The following GOT1L1 variants were observed in gnomAD, a reference collection of about 807,000 sequenced individuals.
GOT1L1 encodes the protein glutamic-oxaloacetic transaminase 1 like 1.
In GOT1L1, 38 loss-of-function variants were observed where a neutral mutation model predicts 43.6. The observed-to-expected ratio is 0.87, with a 90% CI of 0.67 to 1.14. The LOEUF is 1.14. Ranked by LOEUF, GOT1L1 falls within the 50% of genes most tolerant of loss-of-function variation. The pLI, the probability that GOT1L1 is intolerant of heterozygous loss-of-function variation, is 0.00. For synonymous variants in GOT1L1, 183 were observed against 187.2 expected, an observed-to-expected ratio of 0.98 and a Z score of 0.18; for missense variants, 482 against 504.0, an observed-to-expected ratio of 0.96 and a Z score of 0.42.
intron 6 of GOT1L1, 125 bp from the exon 7 acceptor site, chr8:37,935,994 G>T: frequency 1.9e-6 from 2 of 1,052,488 alleles, no homozygotes; most frequent in Non-Finnish European, 2.7e-6. Context: ...TTGCAGCCCA[G>T]CCAGGGTGAT....
Position 37,938,777 on chromosome 8 carries a change from T to C in GOT1L1, c.220A>G (p.Met74Val). ...GCCTGGATGAATGATTTCAGGCCCA[T>C]GGTGGGCAAGTACTCATAATTCAGG... ...PSLNYEYLPT[M>V]GLKSFIQASL... The change falls in exon 2 of 9, where the codon ATG (methionine) becomes GTG (valine). Residue 74 changes from methionine (M) to valine (V), a missense_variant. By Grantham distance (21) the Met-to-Val change is conservative. Coordinates refer to ENST00000307599, the MANE Select transcript of GOT1L1 (RefSeq NM_152413.3). 2 of 1,612,512 alleles carry C rather than the reference T, an allele frequency of 1.2e-6. No homozygotes were observed. Among genetic ancestry groups the C allele is most frequent in the Non-Finnish European group, 1.7e-6 (2 of 1,179,288 alleles).
At chr8:37,939,431 A>AAATATAT (rs1237987679) in intron 1 of GOT1L1, among the ~76,000 whole-genome samples, 37 of 41,660 alleles carry the variant, frequency 8.9e-4, no homozygotes, top group Non-Finnish European at 1.4e-3. Flanking sequence ...AAAAAAAAAA[A>AAATATAT]ATATATATAT....
At chr8:37,939,431 A>AAAAAAATATAT (rs1237987679) in intron 1 of GOT1L1, among the ~76,000 whole-genome samples, 1 of 41,710 alleles carries the variant, frequency 2.4e-5, no homozygotes, top group Non-Finnish European at 4.6e-5. Flanking sequence ...AAAAAAAAAA[A>AAAAAAATATAT]ATATATATAT....
rs761353019 is a variant in GOT1L1, at chr8:37,936,945, G to C, written c.612+20C>G. ...GCAGAGAGTCAAAGACAGGAAGGTC[G>C]GGTGGGAGATTGGGTTTACCTTTAT... On this transcript the variant is annotated intron_variant, in intron 5 of 8. Transcript: ENST00000307599. 1 of 1,611,892 alleles carries C rather than the reference G, an allele frequency of 6.2e-7. No individual in the cohort carries two copies. The highest frequency in any genetic ancestry group is 1.3e-5 in the African/African-American group (1 of 74,864).
Position 37,936,952 on chromosome 8 carries a change from A to G in GOT1L1, c.612+13T>C. On this transcript the variant is annotated intron_variant, in intron 5 of 8. Coordinates refer to ENST00000307599, the MANE Select transcript of GOT1L1 (RefSeq NM_152413.3). ...GTCAAAGACAGGAAGGTCGGGTGGGAGATTGGGTTTACCTTTATCATGGAC... is the reference window on the plus strand; with the variant it reads ...GTCAAAGACAGGAAGGTCGGGTGGGGGATTGGGTTTACCTTTATCATGGAC... 6.2e-7 allele frequency: 1 copy of G among 1,613,158 alleles called. No homozygotes were observed. Among genetic ancestry groups the G allele is most frequent in the Non-Finnish European group, 8.5e-7 (1 of 1,179,160 alleles).
rs777286990 is a variant in GOT1L1 at position 37,934,399 on chromosome 8, TTG to T, written c.1158_1159del (p.Asn386LysfsTer7). On this transcript the variant is annotated frameshift_variant, in exon 9 of 9. Coordinates refer to ENST00000307599, the MANE Select transcript of GOT1L1 (RefSeq NM_152413.3). LOFTEE classifies it low-confidence loss of function (END_TRUNC). ...GATGCCCTCAGTGATGTAATTTATG[TTG>T]TTGGCATTGATACAGCTGAAGTTAA... 8 of 1,613,552 alleles carry T rather than the reference TTG, an allele frequency of 5.0e-6. No homozygotes were observed. In the East Asian group the frequency reaches 1.8e-4, roughly 36 times the overall value.
In GOT1L1 at chr8:37,934,379, C is replaced by T. The variant is rs768482406; in HGVS notation, c.1180G>A (p.Gly394Ser). ...GTGAGGAGGACAGCCTCATTGATGC[C>T]CTCAGTGATGTAATTTATGTTGTTG... ...NANNINYITE[G>S]INEAVLLTES... is the part of the protein sequence containing the mutation. The change falls in exon 9 of 9, where the codon GGC becomes AGC. Residue 394 changes from glycine (G) to serine (S), a missense_variant. Coordinates refer to ENST00000307599, the MANE Select transcript of GOT1L1 (RefSeq NM_152413.3). The T allele has an allele frequency of 1.9e-6, 3 of 1,613,460 alleles. No homozygotes were observed. The South Asian group carries it at 3.3e-5, about 18-fold the overall frequency.
intron 1 of GOT1L1, 180 bp from the exon 2 acceptor site, chr8:37,939,061 T>C (rs1807843309): frequency 1.8e-6 from 1 of 567,922 alleles, no homozygotes; most frequent in Non-Finnish European, 3.2e-6. Flanking sequence ...TGTTAGTGAA[T>C]GTGTATTATT....
chr8:37,934,583 T>C, intron 8 of GOT1L1, 97 bp from the exon 9 acceptor site: 1 of 913,678 alleles, frequency 1.1e-6, no homozygotes. Flanking sequence ...ATTGATTGAT[T>C]GATTGAGATG....
intron 1 of GOT1L1, 150 bp from the exon 2 acceptor site, chr8:37,939,031 C>G (rs531870445): frequency 7.5e-6 from 5 of 667,886 alleles, no homozygotes; most frequent in South Asian, 1.7e-5. Flanking sequence ...TTTCTTTTCT[C>G]CTTGATGAAA....
chr8:37,937,306 C>G lies in GOT1L1; in HGVS notation c.490G>C (p.Asp164His), dbSNP rs367552836. 22 of 1,608,008 alleles carry G rather than the reference C, an allele frequency of 1.4e-5. No individual in the cohort carries two copies. In the African/African-American group the frequency reaches 2.9e-4, roughly 22 times the overall value. The change falls in exon 4 of 9, where the codon GAC (aspartate) becomes CAC (histidine). Residue 164 changes from aspartate to histidine, a missense_variant. Physicochemically the swap from Asp to His is moderately conservative, Grantham distance 81. Transcript: ENST00000307599. ...SVWDPKKLCM[D>H]PDILLNVVEQ... ...ACCACATTGAGGAGTATGTCGGGGT[C>G]CATGCATAGCTTCTTGGGGTCCCAG...
chr8:37,935,273 C>A (rs1807714703), intron 7 of GOT1L1, 58 bp from the exon 8 acceptor site: 1 of 1,481,428 alleles, frequency 6.8e-7, no homozygotes, highest in Non-Finnish European at 9.1e-7. Flanking sequence ...CCTCAAACCT[C>A]CCTCATTGCC....
At position 37,937,184 on chromosome 8, in the gene GOT1L1, A is replaced by T. The variant is rs189485549; in HGVS notation, c.519+93T>A. On this transcript the variant is annotated intron_variant, in intron 4 of 8. Coordinates refer to ENST00000307599, the MANE Select transcript of GOT1L1 (RefSeq NM_152413.3). ...GGGCCAGGCAAATTCAAACCTGGAA[A>T]AGGTCTTGGATGACTTAAGAGGTGT... 1.4e-5 allele frequency: 17 copies of T among 1,221,344 alleles called. No homozygotes were observed. In the East Asian group the frequency reaches 3.6e-4, roughly 26 times the overall value. The allele number at this position is 1,221,344 out of a possible 1,614,324, so 75.7% of individuals were successfully genotyped here. A position where few individuals can be genotyped will look rare whatever the true frequency, so the allele number is the denominator to read the frequency against.
At chr8:37,934,836 A>C (rs142998743) in intron 8 of GOT1L1, 1 of 578,392 alleles carries the variant, frequency 1.7e-6, no homozygotes, top group Non-Finnish European at 3.0e-6. Flanking sequence ...TCGGCCTCTC[A>C]AAGTGTTGGG....
chr8:37,935,561 G>A (rs753618591), intron 7 of GOT1L1, 143 bp downstream of exon 7: 3 of 794,090 alleles, frequency 3.8e-6, no homozygotes, highest in African/African-American at 1.8e-5. Context: ...TACACATCAG[G>A]TCCTTAGTAA....
chr8:37,939,789 C>T, intron 1 of GOT1L1, 126 bp downstream of exon 1: 1 of 899,808 alleles, frequency 1.1e-6, no homozygotes, highest in Non-Finnish European at 1.7e-6. Context: ...ATTCTGTTAA[C>T]AAGAAAAGAT....
rs1467792936 is a variant in GOT1L1, at chr8:37,935,175, T to A, written c.970A>T (p.Thr324Ser). ...AGTTTCTCCTTCACTTTTTCCTTGG[T>A]TAGCATGATGTTCTCTACAACTTCT... Reference protein sequence around the residue: ...LKEVVENIMLTKEKVKEKLQL... With the variant: ...LKEVVENIMLSKEKVKEKLQL... The change falls in exon 8 of 9, where the codon ACC (threonine) becomes TCC (serine). Residue 324 changes from threonine (T) to serine (S), a missense_variant. Thr to Ser is a moderately conservative substitution (Grantham distance 58, BLOSUM62 1). Coordinates refer to ENST00000307599, the MANE Select transcript of GOT1L1 (RefSeq NM_152413.3). 6.2e-7 allele frequency: 1 copy of A among 1,608,814 alleles called. No individual in the cohort carries two copies. The highest frequency in any genetic ancestry group is 1.7e-5 in the Admixed American group (1 of 58,930).
rs755449646 is a variant in GOT1L1, at chr8:37,934,324, T to A, written c.1235A>T (p.Glu412Val). ...TESSEMCLPK[E>V]KKTLIGIKL ...TTTTATTCCAATCAGTGTTTTTTTT[T>A]CCTTTGGAAGACACATCTCTGAGCT... Residue 412 changes from glutamate to valine, a missense_variant, in exon 9 of 9, where the codon GAA (glutamate) becomes GTA (valine). By Grantham distance (121) the Glu-to-Val change is moderately radical. Transcript: ENST00000307599. 6.2e-7 allele frequency: 1 copy of A among 1,611,920 alleles called. No individual in the cohort carries two copies. Among genetic ancestry groups the A allele is most frequent in the South Asian group, 1.1e-5 (1 of 90,364 alleles).
rs1185211812 is a variant in GOT1L1, at chr8:37,940,116, G to A, written c.-87C>T. The stretch of plus-strand genomic sequence containing the variant: ...GAAGTCTTCCTCCAAGGCTGGGCCG[G>A]GCAGTCCTGCCTCTTCCTGGAACCT... On this transcript the variant is annotated 5_prime_UTR_variant, in exon 1 of 9. Coordinates refer to ENST00000307599, the MANE Select transcript of GOT1L1 (RefSeq NM_152413.3). The A allele has an allele frequency of 4.0e-6, 6 of 1,482,556 alleles. No homozygotes were observed. Among genetic ancestry groups the A allele is most frequent in the Non-Finnish European group, 5.4e-6 (6 of 1,107,502 alleles). 91.8% of individuals were successfully genotyped at this position (1,482,556 alleles called of 1,614,324 possible).
Sources: allele counts gnomAD v4.1 joint callset (sites outside exome capture counted in the v4.1 genomes callset), GRCh38; gene constraint gnomAD v4.1.1; transcripts MANE v1.5; gene names NCBI Gene and HGNC (gene_info 2026-07-23, HGNC 2026-07-21).